Variants in UBA2 observed in about 807,000 individuals in gnomAD.
UBA2 encodes ubiquitin like modifier activating enzyme 2.
A neutral mutation model predicts 77.2 loss-of-function variants in UBA2; 11 were observed. The ratio of observed to expected loss-of-function variants is 0.14; its 90% CI spans 0.09 to 0.24. The LOEUF (loss-of-function observed/expected upper bound fraction) is 0.24. Ranked by LOEUF, UBA2 falls within the 10% of genes least tolerant of loss-of-function variation. The pLI is 1.00. For synonymous variants in UBA2, 278 were observed against 276.7 expected, an observed-to-expected ratio of 1.00 and a Z score of -0.05; for missense variants, 487 against 781.7, an observed-to-expected ratio of 0.62 and a Z score of 4.50.
rs1467156193 is a variant in UBA2 at position 34,450,297 on chromosome 19, A to C, written c.804A>C (p.Thr268=). 1.2e-6 allele frequency: 2 copies of C among 1,611,682 alleles called. No individual in the cohort carries two copies. The highest frequency in any genetic ancestry group is 8.5e-7 in the Non-Finnish European group (1 of 1,179,376). Residue 268 remains threonine, a synonymous_variant, in exon 9 of 17, where the codon ACA becomes ACC. Coordinates refer to ENST00000246548, the MANE Select transcript of UBA2 (RefSeq NM_005499.3). ...LFKDDIRYLL[T]MDKLWRKRKP... ...AAGATGACATCAGGTATCTGTTGACAATGGACAAACTATGGCGGAAAAGGA... is the reference window on the plus strand; with the variant it reads ...AAGATGACATCAGGTATCTGTTGACCATGGACAAACTATGGCGGAAAAGGA...
chr19:34,428,880 C>T (rs2075219262), intron 1 of UBA2: 1 of 1,046,742 alleles, frequency 9.6e-7, no homozygotes, highest in South Asian at 4.6e-5. Flanking sequence ...CCCTTCAAAA[C>T]AAATTCCCGG....
intron 3 of UBA2, 120 bp downstream of exon 3, chr19:34,432,051 G>A (rs2075262375): frequency 2.9e-6 from 2 of 700,588 alleles, no homozygotes; most frequent in East Asian, 5.6e-5. Context: ...AAACAGTGGT[G>A]GTTTCTGCTT....
chr19:34,460,208 A>C (rs1362047242), intron 13 of UBA2, among the ~76,000 whole-genome samples: 1 of 152,164 alleles, frequency 6.6e-6, no homozygotes, highest in Admixed American at 6.5e-5. Flanking sequence ...GGGAAAGACA[A>C]AGTAGCAAGA....
chr19:34,433,500 T>C, intron 4 of UBA2, 88 bp downstream of exon 4: 1 of 941,134 alleles, frequency 1.1e-6, no homozygotes, highest in East Asian at 2.5e-5. Context: ...ATTAGACTAT[T>C]GTGATTTAGA....
intron 3 of UBA2, 109 bp from the exon 4 acceptor site, chr19:34,433,239 A>G: frequency 1.4e-6 from 1 of 739,042 alleles, no homozygotes; most frequent in Non-Finnish European, 2.3e-6. Flanking sequence ...TAATCCTGAT[A>G]TCAGTTTTGT....
intron 7 of UBA2, 142 bp downstream of exon 7, chr19:34,444,053 T>TGG: frequency 6.9e-6 from 3 of 431,872 alleles, no homozygotes; most frequent in Non-Finnish European, 1.3e-5. Context: ...TGTTTTTTTT[T>TGG]TTTTTTTTTT....
chr19:34,460,592 C>G (rs1297626557), intron 14 of UBA2, 26 bp downstream of exon 14: 9 of 1,513,238 alleles, frequency 5.9e-6, no homozygotes, highest in Non-Finnish European at 8.1e-6. Context: ...TTTATTCATT[C>G]CTCTCATTGA....
At chr19:34,429,320 A>C (rs2075225141) in intron 1 of UBA2, 3 of 895,948 alleles carry the variant, frequency 3.3e-6, no homozygotes, top group Non-Finnish European at 4.0e-6. Flanking sequence ...ATTTCTACTA[A>C]TGCAAACTTT....
chr19:34,447,235 T>TC (rs2075441978), intron 8 of UBA2, among the ~76,000 whole-genome samples: 1 of 152,160 alleles, frequency 6.6e-6, no homozygotes, highest in Non-Finnish European at 1.5e-5. Context: ...TGCTGTATAT[T>TC]CTGGCCTCAA....
In UBA2 at chr19:34,457,958, C is replaced by T. The variant is rs547464866; in HGVS notation, c.1246-811C>T. The stretch of plus-strand genomic sequence containing the variant: ...CTGCCAGAAATACATTTTTTTCCCT[C>T]ATTATATAAATGTTATTCTAATCAG... On this transcript the variant is annotated intron_variant, in intron 12 of 16. Coordinates refer to ENST00000246548, the MANE Select transcript of UBA2 (RefSeq NM_005499.3). 5.9e-5 allele frequency among the ~76,000 whole-genome samples: 9 copies of T among 152,130 alleles called. No homozygotes were observed. In the East Asian group the frequency reaches 1.7e-3, roughly 29 times the overall value.
chr19:34,443,984 T>A, intron 7 of UBA2, 73 bp downstream of exon 7: 1 of 1,081,420 alleles, frequency 9.2e-7, no homozygotes, highest in Non-Finnish European at 1.4e-6. Context: ...TTTGGTAGCT[T>A]AAGGGAAAAA....
chr19:34,440,411 A>G (rs1304463089), intron 6 of UBA2, among the ~76,000 whole-genome samples: 1 of 152,190 alleles, frequency 6.6e-6, no homozygotes, highest in Non-Finnish European at 1.5e-5. Context: ...CACCGAACCT[A>G]TGTTATTTTT....
chr19:34,460,593 C>G, intron 14 of UBA2, 27 bp downstream of exon 14: 45 of 1,513,354 alleles, frequency 3.0e-5, no homozygotes, highest in Non-Finnish European at 4.0e-5. Context: ...TTATTCATTC[C>G]TCTCATTGAG....
At chr19:34,467,092 G>T in intron 16 of UBA2, 78 bp downstream of exon 16, 2 of 1,536,396 alleles carry the variant, frequency 1.3e-6, no homozygotes, top group South Asian at 1.2e-5. Flanking sequence ...TAGGAACATT[G>T]ACCATAAATC....
Position 34,432,875 on chromosome 19 carries a change from T to TA in UBA2, c.294-472dup, listed in dbSNP as rs2075270818. Among the ~76,000 whole-genome samples, 3 of 149,200 alleles carry TA rather than the reference T, an allele frequency of 2.0e-5. No individual in the cohort carries two copies. The South Asian group carries it at 6.4e-4, about 32-fold the overall frequency. Reference sequence around the variant, plus strand: ...CGGCCTGTATCTCCGGCTTGTTTTTTAGTTTTTTACTCTGTGAACCTGCCT... The same window carrying TA: ...CGGCCTGTATCTCCGGCTTGTTTTTTAAGTTTTTTACTCTGTGAACCTGCCT... On this transcript the variant is annotated intron_variant, in intron 3 of 16. Transcript: ENST00000246548.
At chr19:34,449,501 G>A (rs140746726) in intron 8 of UBA2, among the ~76,000 whole-genome samples, 1 of 152,140 alleles carries the variant, frequency 6.6e-6, no homozygotes, top group Admixed American at 6.5e-5. Context: ...GATAGAAATG[G>A]CTGTGATTTT....
At position 34,445,109 on chromosome 19, in the gene UBA2, A is replaced by T; in HGVS notation, c.759A>T (p.Lys253Asn). Reference sequence around the variant, plus strand: ...AATCAACTGGATATGATCCAGTTAAACTTTTTACCAAGGTTAGATTTACTT... The same window carrying T: ...AATCAACTGGATATGATCCAGTTAATCTTTTTACCAAGGTTAGATTTACTT... ...WAKSTGYDPV[K>N]LFTKLFKDDI... The change falls in exon 8 of 17, where the codon AAA (lysine) becomes AAT (asparagine). Residue 253 changes from lysine (K) to asparagine (N), a missense_variant. By Grantham distance (94) the Lys-to-Asn change is moderately conservative. This residue lies in a region of UBA2 where 300 missense variants were observed against 454.3 expected (regional missense o/e 0.66). Transcript: ENST00000246548. The T allele has an allele frequency of 6.2e-7, 1 of 1,610,630 alleles. No individual in the cohort carries two copies. Among genetic ancestry groups the T allele is most frequent in the Non-Finnish European group, 8.5e-7 (1 of 1,178,956 alleles).
At chr19:34,428,635 CG>C in intron 1 of UBA2, 65 bp downstream of exon 1, 1 of 621,188 alleles carries the variant, frequency 1.6e-6, no homozygotes. Flanking sequence ...TCGGGGGTTC[CG>C]GGGCTCCAGG....
At chr19:34,458,554 G>A (rs561743813) in intron 12 of UBA2, among the ~76,000 whole-genome samples, 642 of 51,944 alleles carry the variant, frequency 0.012, 7 homozygotes, top group South Asian at 0.026. Flanking sequence ...GCAAGACTCC[G>A]TCTCAAAAAA....
Sources: gnomAD v4.1 joint callset for allele counts (sites outside exome capture counted in the v4.1 genomes callset) on GRCh38, gnomAD v4.1.1 for gene constraint, gnomAD v4.1.1 regional missense constraint, MANE v1.5 for transcripts, NCBI Gene and HGNC (gene_info 2026-07-23, HGNC 2026-07-21) for gene names.